The following ACOT12 variants were observed in gnomAD, a reference collection of about 807,000 sequenced individuals.
The protein encoded by ACOT12 is acyl-CoA thioesterase 12, also known as acetyl-coenzyme A thioesterase.
ACOT12 carries 51 observed loss-of-function variants against 67.7 expected under a neutral mutation model. The ratio of observed to expected loss-of-function variants is 0.75; its 90% CI spans 0.60 to 0.95. ACOT12 has a LOEUF of 0.95. ACOT12 is among the 40% of genes least tolerant of loss of function. The pLI is 0.00. For missense variants in ACOT12, 734 were observed against 708.1 expected (o/e 1.04, Z -0.41); for synonymous variants, 251 against 244.6 (o/e 1.03, Z -0.24).
intron 2 of ACOT12, among the ~76,000 whole-genome samples, chr5:81,381,221 C>A (rs866723822): frequency 6.6e-6 from 1 of 152,096 alleles, no homozygotes; most frequent in South Asian, 2.1e-4. Context: ...CGCGTGCCAC[C>A]ACACCCAGCT....
intron 1 of ACOT12, among the ~76,000 whole-genome samples, chr5:81,393,299 AT>A (rs1760911746): frequency 6.6e-6 from 1 of 152,214 alleles, no homozygotes; most frequent in Non-Finnish European, 1.5e-5. Context: ...TTATTTCTTA[AT>A]TAAAAATGTT....
At chr5:81,386,801 C>A (rs1342758744) in intron 1 of ACOT12, among the ~76,000 whole-genome samples, 1 of 152,026 alleles carries the variant, frequency 6.6e-6, no homozygotes, top group East Asian at 1.9e-4. Context: ...ATGAGAGATA[C>A]CCCACTGCGC....
chr5:81,375,610 A>G (rs1760387230), intron 2 of ACOT12, among the ~76,000 whole-genome samples: 1 of 152,120 alleles, frequency 6.6e-6, no homozygotes, highest in Non-Finnish European at 1.5e-5. Flanking sequence ...GTGCAAAGAC[A>G]TACATAGGCT....
chr5:81,341,450 C>T (rs1011826825), intron 11 of ACOT12, among the ~76,000 whole-genome samples: 1 of 152,224 alleles, frequency 6.6e-6, no homozygotes, highest in Non-Finnish European at 1.5e-5. Context: ...CAAACTGGAA[C>T]ACCAAGAGAC....
chr5:81,360,093 G>C, intron 4 of ACOT12, 55 bp from the exon 5 acceptor site: 1 of 1,553,024 alleles, frequency 6.4e-7, no homozygotes, highest in Non-Finnish European at 8.7e-7. Flanking sequence ...TAAAAGCACA[G>C]CATGAATTTT....
At chr5:81,334,306 A>G (rs966317295) in intron 12 of ACOT12, among the ~76,000 whole-genome samples, 1 of 152,196 alleles carries the variant, frequency 6.6e-6, no homozygotes, top group Non-Finnish European at 1.5e-5. Flanking sequence ...CTGCCTGCAG[A>G]CAGCAAAACT....
At chr5:81,380,620 A>G (rs1760554753) in intron 2 of ACOT12, among the ~76,000 whole-genome samples, 1 of 152,078 alleles carries the variant, frequency 6.6e-6, no homozygotes, top group Non-Finnish European at 1.5e-5. Flanking sequence ...GAAAAAATAC[A>G]AACAAACATA....
the ACOT12 span, among the ~76,000 whole-genome samples, chr5:81,319,248 CCTT>C: frequency 6.6e-6 from 1 of 152,226 alleles, no homozygotes; most frequent in Non-Finnish European, 1.5e-5. Context: ...TTCTGGACAT[CCTT>C]CTCCCTGTTG....
chr5:81,323,899 T>C, the ACOT12 span, among the ~76,000 whole-genome samples: 5 of 84,974 alleles, frequency 5.9e-5, no homozygotes, highest in Non-Finnish European at 1.2e-4. Context: ...CATATATACG[T>C]ATATATACAC....
chr5:81,321,444 T>C, the ACOT12 span, among the ~76,000 whole-genome samples: 9 of 152,238 alleles, frequency 5.9e-5, no homozygotes, highest in African/African-American at 1.2e-4. Context: ...GATTTCAACA[T>C]ATGAATTTGG....
chr5:81,371,551 C>T lies in ACOT12; in HGVS notation c.258+199G>A, dbSNP rs139645225. Reference sequence around the variant, plus strand: ...TATAGGTGTGAGCTACCATGCCTGGCCATGTTGAATTTTAGCTGGGAAACA... The same window carrying T: ...TATAGGTGTGAGCTACCATGCCTGGTCATGTTGAATTTTAGCTGGGAAACA... On this transcript the variant is annotated intron_variant, in intron 3 of 14. Coordinates refer to ENST00000307624, the MANE Select transcript of ACOT12 (RefSeq NM_130767.3). Among the ~76,000 whole-genome samples the T allele has an allele frequency of 2.9e-3, 434 of 152,280 alleles. 8 individuals are homozygous for T. Among genetic ancestry groups the T allele is most frequent in the Admixed American group, 0.027 (410 of 15,292 alleles).
the ACOT12 span, among the ~76,000 whole-genome samples, chr5:81,310,546 G>A: frequency 6.6e-6 from 1 of 151,862 alleles, no homozygotes; most frequent in Non-Finnish European, 1.5e-5. Context: ...TTAACATTTC[G>A]AGCATGATCA....
chr5:81,340,363 T>G (rs949187715), intron 11 of ACOT12, among the ~76,000 whole-genome samples: 3 of 149,826 alleles, frequency 2.0e-5, no homozygotes, highest in Admixed American at 2.0e-4. Context: ...TGTTGTTTTG[T>G]TTTGTTTTGT....
chr5:81,327,859 G>GA (rs1758711278), downstream of ACOT12, among the ~76,000 whole-genome samples: 1 of 152,110 alleles, frequency 6.6e-6, no homozygotes, highest in Non-Finnish European at 1.5e-5. Context: ...ACACTCCAAA[G>GA]AAAAAAATCA....
rs1255793537 is a variant in ACOT12, at chr5:81,330,873, T to C, written c.1459A>G (p.Arg487Gly). 2 of 1,614,102 alleles carry C rather than the reference T, an allele frequency of 1.2e-6. No individual in the cohort carries two copies. The highest frequency in any genetic ancestry group is 8.5e-7 in the Non-Finnish European group (1 of 1,179,982). ...AATCCGGCACATATGATTTCACTTC[T>C]GATGTACTGTGGAGACGGGGGGACC... ...PSVPPSPQYI[R>G]SEIICAGFLI... Residue 487 changes from arginine to glycine, a missense_variant, in exon 14 of 15, where the codon AGA becomes GGA. By Grantham distance (125) the Arg-to-Gly change is moderately radical. Transcript: ENST00000307624.
downstream of ACOT12, among the ~76,000 whole-genome samples, chr5:81,325,655 T>C (rs947104752): frequency 3.3e-5 from 5 of 152,190 alleles, no homozygotes; most frequent in Admixed American, 1.3e-4. Context: ...CTAAATTGGA[T>C]GTGAAAGGTG....
the ACOT12 span, among the ~76,000 whole-genome samples, chr5:81,322,795 C>T: frequency 6.6e-6 from 1 of 152,088 alleles, no homozygotes; most frequent in African/African-American, 2.4e-5. Context: ...CTTCACAGGG[C>T]AGAGGATGGA....
rs1760675400 is a variant in ACOT12, at chr5:81,384,496, C to G, written c.197+1261G>C. ...TTTACTGTATCTTTTTAATGTTTAA[C>G]TATGTTTAGATACACAAATAGTCAC... On this transcript the variant is annotated intron_variant, in intron 2 of 14. Transcript: ENST00000307624. Among the ~76,000 whole-genome samples the G allele has an allele frequency of 2.6e-5, 4 of 152,084 alleles. No homozygotes were observed. In the South Asian group the frequency reaches 8.3e-4, roughly 32 times the overall value.
chr5:81,338,304 C>T (rs369227205), intron 11 of ACOT12, among the ~76,000 whole-genome samples: 1 of 152,178 alleles, frequency 6.6e-6, no homozygotes. Context: ...GAATTGTAAT[C>T]CCCAGTGCTG....
Sources: allele counts gnomAD v4.1 joint callset (sites outside exome capture counted in the v4.1 genomes callset), GRCh38; gene constraint gnomAD v4.1.1; transcripts MANE v1.5; gene names NCBI Gene and HGNC (gene_info 2026-07-23, HGNC 2026-07-21).